The following NCOA1 variants were observed in gnomAD, a reference collection of about 807,000 sequenced individuals.
NCOA1 encodes the protein nuclear receptor coactivator 1.
Under a neutral mutation model 150.9 loss-of-function variants are expected in NCOA1, and 35 were observed. That is an observed-to-expected ratio of 0.23 (90% CI 0.18 to 0.31). The LOEUF (loss-of-function observed/expected upper bound fraction) is 0.31, where lower values mean the gene tolerates loss of function less well. Among genes scored for constraint, NCOA1 ranks in the 10% least tolerant of loss-of-function variants. The probability of loss-of-function intolerance (pLI) is 1.00; values close to 1 mark genes in which losing one functional copy is unlikely to be tolerated. For missense variants in NCOA1, 1,491 were observed against 1,749.3 expected (o/e 0.85, Z 2.63); for synonymous variants, 590 against 630.0 (o/e 0.94, Z 0.95).
At chr2:24,515,733 G>A (rs1664135076) in intron 1 of NCOA1, among the ~76,000 whole-genome samples, 1 of 152,134 alleles carries the variant, frequency 6.6e-6, no homozygotes, top group Admixed American at 6.5e-5. Flanking sequence ...AAGTAGGAGG[G>A]AGAAAAAACC....
intron 14 of NCOA1, among the ~76,000 whole-genome samples, chr2:24,714,499 C>CAA (rs149827593): frequency 2.0e-4 from 29 of 147,770 alleles, no homozygotes; most frequent in Admixed American, 4.7e-4. Context: ...ATATAAACTA[C>CAA]AAAAAAAAAG....
chr2:24,503,031 G>A (rs940694040), intron 1 of NCOA1, among the ~76,000 whole-genome samples: 1 of 152,168 alleles, frequency 6.6e-6, no homozygotes, highest in Admixed American at 6.5e-5. Context: ...GTCCTCTGCA[G>A]TGTCTTACAC....
intron 8 of NCOA1, among the ~76,000 whole-genome samples, 194 bp from the exon 9 acceptor site, chr2:24,691,287 A>G (rs1672657605): frequency 6.6e-6 from 1 of 152,208 alleles, no homozygotes; most frequent in African/African-American, 2.4e-5. Context: ...CAGTTTTCTA[A>G]TTGGTAGACA....
chr2:24,766,106 C>T (rs1337113886), intron 22 of NCOA1, among the ~76,000 whole-genome samples: 1 of 151,984 alleles, frequency 6.6e-6, no homozygotes, highest in East Asian at 1.9e-4. Flanking sequence ...CACTATGTTG[C>T]CCAGGCTGGT....
chr2:24,647,847 G>C (rs962173707), intron 4 of NCOA1, among the ~76,000 whole-genome samples: 2 of 152,196 alleles, frequency 1.3e-5, no homozygotes, highest in Non-Finnish European at 2.9e-5. Flanking sequence ...AAATATTTGA[G>C]AAGTACTGTA....
At chr2:24,674,957 G>A (rs1671838933) in intron 7 of NCOA1, among the ~76,000 whole-genome samples, 2 of 152,100 alleles carry the variant, frequency 1.3e-5, no homozygotes, top group Admixed American at 1.3e-4. Context: ...TGTGGCTTTT[G>A]ACACTTACTG....
At chr2:24,504,708 T>A (rs1663617219) in intron 1 of NCOA1, among the ~76,000 whole-genome samples, 1 of 152,216 alleles carries the variant, frequency 6.6e-6, no homozygotes, top group Admixed American at 6.5e-5. Context: ...TGTTTTAGTT[T>A]GCTACCATCT....
At position 24,769,490 on chromosome 2, in the gene NCOA1, G is replaced by C. The variant is rs1318926522; in HGVS notation, c.*1099G>C. On this transcript the variant is annotated 3_prime_UTR_variant, in exon 23 of 23. Transcript: ENST00000348332. ...CAAAATGTCACTGCCAGAAAGAGCT[G>C]TTCCAGCTGATCTAGAGCATACTGC... is the stretch of plus-strand genomic sequence containing the variant. The C allele has an allele frequency of 5.1e-6, 1 of 197,322 alleles. No homozygotes were observed. The highest frequency in any genetic ancestry group is 1.1e-5 in the Non-Finnish European group (1 of 94,974). 12.2% of individuals were successfully genotyped at this position (197,322 alleles called of 1,614,324 possible).
chr2:24,745,164 T>C (rs899036852), intron 19 of NCOA1, among the ~76,000 whole-genome samples: 11 of 149,714 alleles, frequency 7.3e-5, no homozygotes, highest in South Asian at 4.2e-4. Flanking sequence ...TTTCTTTTTT[T>C]TTTTTTTTTT....
chr2:24,767,938 G>T (rs1665150140), intron 22 of NCOA1: 3 of 714,442 alleles, frequency 4.2e-6, no homozygotes. Context: ...CCCAATCTTG[G>T]CAACATTAGC....
chr2:24,497,648 G>A (rs1420449831), intron 1 of NCOA1, among the ~76,000 whole-genome samples: 4 of 151,990 alleles, frequency 2.6e-5, no homozygotes, highest in Non-Finnish European at 4.4e-5. Context: ...CTCCAGCCTG[G>A]GTGACAGAGC....
At chr2:24,631,233 A>G (rs1669696172) in intron 3 of NCOA1, among the ~76,000 whole-genome samples, 1 of 152,166 alleles carries the variant, frequency 6.6e-6, no homozygotes, top group South Asian at 2.1e-4. Flanking sequence ...ATTAGTGTTA[A>G]TGGTTTATTT....
chr2:24,619,179 T>C (rs557281005), intron 3 of NCOA1, among the ~76,000 whole-genome samples: 1 of 152,326 alleles, frequency 6.6e-6, no homozygotes, highest in Non-Finnish European at 1.5e-5. Flanking sequence ...TAAAATGATA[T>C]AATTGTGTCA....
intron 1 of NCOA1, among the ~76,000 whole-genome samples, chr2:24,511,447 A>G (rs1012030367): frequency 1.3e-5 from 2 of 152,256 alleles, no homozygotes; most frequent in South Asian, 2.1e-4. Context: ...GTGGCATCTC[A>G]CTATAATTGT....
chr2:24,569,993 G>A (rs1361921016), intron 2 of NCOA1, among the ~76,000 whole-genome samples: 1 of 150,180 alleles, frequency 6.7e-6, no homozygotes, highest in Non-Finnish European at 1.5e-5. Flanking sequence ...TAGATTAGGA[G>A]TCCTTTTTTC....
chr2:24,752,605 AAC>A (rs1664305041), intron 20 of NCOA1, among the ~76,000 whole-genome samples: 1 of 152,224 alleles, frequency 6.6e-6, no homozygotes, highest in Non-Finnish European at 1.5e-5. Flanking sequence ...TCACATCAGT[AAC>A]AGAGCTTCCC....
intron 19 of NCOA1, among the ~76,000 whole-genome samples, chr2:24,744,876 A>G (rs1338246184): frequency 2.0e-5 from 3 of 152,210 alleles, no homozygotes; most frequent in Non-Finnish European, 2.9e-5. Context: ...AAAACTGAAA[A>G]CATGTATTAT....
At position 24,770,087 on chromosome 2, in the gene NCOA1, A is replaced by C. The variant is rs1665250155; in HGVS notation, c.*1696A>C. The C allele has an allele frequency of 8.7e-6, 2 of 230,010 alleles. No homozygotes were observed. The highest frequency in any genetic ancestry group is 1.2e-4 in the East Asian group (2 of 16,082). 14.2% of individuals were successfully genotyped at this position (230,010 alleles called of 1,614,324 possible). On this transcript the variant is annotated 3_prime_UTR_variant, in exon 23 of 23. Transcript: ENST00000348332. ...CTATGCCGAATAAAAAGATTGGTGG[A>C]AGGGCTCATGTGGTTAGCAACTATG...
chr2:24,727,796 T>G lies in NCOA1; in HGVS notation c.2718-512T>G, dbSNP rs55890452. Among the ~76,000 whole-genome samples the G allele has an allele frequency of 1.8e-3, 279 of 152,348 alleles. 1 individual carries two copies. The highest frequency in any genetic ancestry group is 6.3e-3 in the African/African-American group (262 of 41,588). ...GCATATTTCATTTTTCCAGTTTGAT[T>G]TCTTTTGTAAATGGTAATCATGTCA... On this transcript the variant is annotated intron_variant, in intron 15 of 22. Transcript: ENST00000348332.
Sources: gnomAD v4.1 joint callset for allele counts (sites outside exome capture counted in the v4.1 genomes callset) on GRCh38, gnomAD v4.1.1 for gene constraint, MANE v1.5 for transcripts, NCBI Gene and HGNC (gene_info 2026-07-23, HGNC 2026-07-21) for gene names.